The following FGF12 variants were observed in gnomAD, a reference collection of about 807,000 sequenced individuals.
The protein encoded by FGF12 is fibroblast growth factor 12B.
A neutral mutation model predicts 23.6 loss-of-function variants in FGF12; 14 were observed. That is an observed-to-expected ratio of 0.59 (90% CI 0.39 to 0.93). The LOEUF (loss-of-function observed/expected upper bound fraction) is 0.93. FGF12 is among the 40% of genes least tolerant of loss of function. The pLI is 0.00. For missense variants in FGF12, 175 were observed against 217.8 expected (o/e 0.80, Z 1.24); for synonymous variants, 62 against 77.3 (o/e 0.80, Z 1.04).
chr3:192,186,286 T>C (rs1577215016), intron 4 of FGF12, among the ~76,000 whole-genome samples: 4 of 152,344 alleles, frequency 2.6e-5, no homozygotes, highest in Admixed American at 2.6e-4. Flanking sequence ...TACATGTGAA[T>C]CACTTAAGAG....
intron 2 of FGF12, among the ~76,000 whole-genome samples, chr3:192,726,396 G>T (rs924897394): frequency 6.6e-6 from 1 of 152,174 alleles, no homozygotes; most frequent in East Asian, 1.9e-4. Flanking sequence ...AAACAGACCT[G>T]CATAGATGGG....
intron 2 of FGF12, among the ~76,000 whole-genome samples, chr3:192,531,837 T>G (rs1725096804): frequency 6.6e-6 from 1 of 152,216 alleles, no homozygotes; most frequent in African/African-American, 2.4e-5. Flanking sequence ...GTTAATCTGA[T>G]GGCAGCTTAT....
At chr3:192,578,013 G>C (rs559358092) in intron 2 of FGF12, among the ~76,000 whole-genome samples, 3 of 152,154 alleles carry the variant, frequency 2.0e-5, no homozygotes, top group African/African-American at 7.2e-5. Context: ...AGTGAAAGGG[G>C]TTATGGTTGG....
At chr3:192,378,026 TTTTCTTTCTTTC>T (rs202170804) in intron 2 of FGF12, among the ~76,000 whole-genome samples, 2,105 of 69,300 alleles carry the variant, frequency 0.03, 81 homozygotes, top group East Asian at 0.053. Context: ...TGACTCTTTC[TTTTCTTTCTTTC>T]TTTCTTTCTT....
chr3:192,654,588 C>T (rs1044039450), intron 2 of FGF12, among the ~76,000 whole-genome samples: 1 of 152,088 alleles, frequency 6.6e-6, no homozygotes, highest in African/African-American at 2.4e-5. Context: ...AAATGATAGC[C>T]GAGTTAAGGA....
chr3:192,356,099 A>C (rs1718460503), intron 3 of FGF12, among the ~76,000 whole-genome samples: 1 of 152,248 alleles, frequency 6.6e-6, no homozygotes, highest in African/African-American at 2.4e-5. Context: ...CCTATTCAAA[A>C]TAATTTTTAA....
chr3:192,226,215 G>C (rs1014635150), intron 4 of FGF12, among the ~76,000 whole-genome samples: 5 of 152,074 alleles, frequency 3.3e-5, no homozygotes, highest in African/African-American at 1.2e-4. Context: ...TGAAGTCCTG[G>C]TATGCTTTTT....
intron 2 of FGF12, among the ~76,000 whole-genome samples, chr3:192,500,785 T>G (rs1724111120): frequency 6.6e-6 from 1 of 152,224 alleles, no homozygotes; most frequent in Non-Finnish European, 1.5e-5. Flanking sequence ...ATATATTAAC[T>G]CATTTTACTC....
intron 2 of FGF12, among the ~76,000 whole-genome samples, chr3:192,706,544 A>T (rs1245511509): frequency 1.3e-5 from 2 of 152,130 alleles, no homozygotes; most frequent in Non-Finnish European, 2.9e-5. Flanking sequence ...CTGACCAAGC[A>T]GAAACAATTG....
chr3:192,404,604 CATAA>C (rs1720888731), intron 2 of FGF12, among the ~76,000 whole-genome samples: 1 of 152,186 alleles, frequency 6.6e-6, no homozygotes, highest in Non-Finnish European at 1.5e-5. Context: ...CCTTTTCACA[CATAA>C]ATAATGACTC....
At chr3:192,546,436 A>G in intron 2 of FGF12, among the ~76,000 whole-genome samples, 1 of 151,758 alleles carries the variant, frequency 6.6e-6, no homozygotes, top group South Asian at 2.1e-4. Context: ...TAAAATGCGC[A>G]GCAAATTTTA....
At position 192,360,163 on chromosome 3, in the gene FGF12, A is replaced by G. The variant is rs1718654568; in HGVS notation, c.124+265T>C. Among the ~76,000 whole-genome samples, 1 of 152,128 alleles carries G rather than the reference A, an allele frequency of 6.6e-6. No individual in the cohort carries two copies. The highest frequency in any genetic ancestry group is 1.5e-5 in the Non-Finnish European group (1 of 68,028). Reference sequence around the variant, plus strand: ...AGTGTGTATCATCATGCTGCCTAAAAACACTGTGATGGGAGTATATTCTTG... The same window carrying G: ...AGTGTGTATCATCATGCTGCCTAAAGACACTGTGATGGGAGTATATTCTTG... On this transcript the variant is annotated intron_variant, in intron 3 of 5. Coordinates refer to ENST00000445105, the MANE Select transcript of FGF12 (RefSeq NM_004113.6). This position sits in a 1 kb window ranked among gnomAD's most constrained non-coding sequence, Gnocchi z 4.3.
At chr3:192,286,386 A>G (rs1714449015) in intron 4 of FGF12, among the ~76,000 whole-genome samples, 1 of 152,034 alleles carries the variant, frequency 6.6e-6, no homozygotes, top group African/African-American at 2.4e-5. Flanking sequence ...CACTGTTACT[A>G]GTGCTGAGTA....
chr3:192,365,259 A>C (rs1674128088), intron 2 of FGF12, among the ~76,000 whole-genome samples: 1 of 84,272 alleles, frequency 1.2e-5, no homozygotes, highest in Non-Finnish European at 1.9e-5. Context: ...AAAAGTAAAA[A>C]ATTAAAAAAA....
At chr3:192,661,027 C>A (rs765960255) in intron 2 of FGF12, among the ~76,000 whole-genome samples, 1 of 151,658 alleles carries the variant, frequency 6.6e-6, no homozygotes, top group East Asian at 1.9e-4. Context: ...AAACTGGGAA[C>A]GTCTGTTCTG....
At chr3:192,449,191 C>CT (rs1442963545) in intron 2 of FGF12, among the ~76,000 whole-genome samples, 1 of 152,190 alleles carries the variant, frequency 6.6e-6, no homozygotes, top group Non-Finnish European at 1.5e-5. Flanking sequence ...CTTTAAGTCT[C>CT]TGTTCTTTGC....
At chr3:192,193,474 C>G (rs1716907546) in intron 4 of FGF12, among the ~76,000 whole-genome samples, 1 of 152,162 alleles carries the variant, frequency 6.6e-6, no homozygotes, top group Non-Finnish European at 1.5e-5. Context: ...GTTTCTTTTC[C>G]TTTTAAGTAG....
chr3:192,233,170 G>A (rs1719113263), intron 4 of FGF12, among the ~76,000 whole-genome samples: 1 of 152,132 alleles, frequency 6.6e-6, no homozygotes, highest in African/African-American at 2.4e-5. Context: ...ATTTCCACCA[G>A]GAGTGTATAA....
rs76764100 is a variant in FGF12 at position 192,429,650 on chromosome 3, T to G, written c.14-69112A>C. Among the ~76,000 whole-genome samples the G allele has an allele frequency of 3.8e-3, 584 of 152,318 alleles. 3 individuals are homozygous for G. The highest frequency in any genetic ancestry group is 0.014 in the African/African-American group (571 of 41,564). On this transcript the variant is annotated intron_variant, in intron 2 of 5. Transcript: ENST00000445105. ...AGAAAAAAGAAAGCTGGTTAGATAT[T>G]AATGCACTTGTGTTTAAACCACAAT...
Sources: gnomAD v4.1 joint callset for allele counts (sites outside exome capture counted in the v4.1 genomes callset) on GRCh38, gnomAD v4.1.1 for gene constraint, Gnocchi (gnomAD v3.1) non-coding constraint, MANE v1.5 for transcripts, NCBI Gene and HGNC (gene_info 2026-07-23, HGNC 2026-07-21) for gene names.